PTPRD: variants seen among roughly 807,000 people sequenced by gnomAD.
PTPRD encodes the protein protein tyrosine phosphatase receptor type D, also known as receptor-type tyrosine-protein phosphatase delta.
Under a neutral mutation model 214.5 loss-of-function variants are expected in PTPRD, and 34 were observed. The observed-to-expected ratio is 0.16, with a 90% CI of 0.12 to 0.21. The LOEUF is 0.21. Among genes scored for constraint, PTPRD ranks in the 10% least tolerant of loss-of-function variants. PTPRD has a pLI of 1.00. For missense variants in PTPRD, 2,545 were observed against 2,398.7 expected, an observed-to-expected ratio of 1.06 and a Z score of -1.27; for synonymous variants, 1,128 against 845.7, an observed-to-expected ratio of 1.33 and a Z score of -5.79.
intron 12 of PTPRD, among the ~76,000 whole-genome samples, chr9:8,689,855 C>A (rs2097766830): frequency 6.6e-6 from 1 of 152,084 alleles, no homozygotes; most frequent in Non-Finnish European, 1.5e-5. Context: ...TGCCTGTAAT[C>A]CCAGCACTTT....
At position 8,986,790 on chromosome 9, in the gene PTPRD, G is replaced by A. The variant is rs186097067; in HGVS notation, c.-104+31907C>T. Among the ~76,000 whole-genome samples the A allele has an allele frequency of 2.2e-4, 34 of 152,082 alleles. No individual in the cohort carries two copies. In the East Asian group the frequency reaches 4.6e-3, roughly 21 times the overall value. ...ATGTTTTTGCATGCTAATATCAAAC[G>A]AATTATTTCTACTGGCAGAGTTTGA... On this transcript the variant is annotated intron_variant, in intron 11 of 45. Coordinates refer to ENST00000381196, the MANE Select transcript of PTPRD (RefSeq NM_002839.4).
chr9:8,919,878 T>TCATGCATACATAGATGTACATGCATGTAG, intron 11 of PTPRD, among the ~76,000 whole-genome samples: 1 of 151,366 alleles, frequency 6.6e-6, no homozygotes, highest in Non-Finnish European at 1.5e-5. Context: ...CATGCATGTA[T>TCATGCATACATAGATGTACATGCATGTAG]CATGCATACA....
intron 7 of PTPRD, among the ~76,000 whole-genome samples, chr9:9,648,323 G>C (rs1313897583): frequency 6.6e-6 from 1 of 152,052 alleles, no homozygotes; most frequent in Non-Finnish European, 1.5e-5. Flanking sequence ...ATATTACAAG[G>C]TGTCAGGTGG....
At chr9:9,600,297 A>C in intron 7 of PTPRD, among the ~76,000 whole-genome samples, 1 of 152,144 alleles carries the variant, frequency 6.6e-6, no homozygotes, top group East Asian at 1.9e-4. Context: ...TAAGTAAAAA[A>C]TGTACACACC....
chr9:8,453,098 A>G (rs2096025270), intron 33 of PTPRD, among the ~76,000 whole-genome samples: 1 of 152,146 alleles, frequency 6.6e-6, no homozygotes, highest in Admixed American at 6.5e-5. Flanking sequence ...TTAGAAGAGG[A>G]TGTCTAAGTT....
At chr9:8,962,552 G>GAA (rs2099164505) in intron 11 of PTPRD, among the ~76,000 whole-genome samples, 1 of 151,784 alleles carries the variant, frequency 6.6e-6, no homozygotes, top group East Asian at 2.0e-4. Context: ...GAGAGAGAGA[G>GAA]AGAGCGAGAG....
chr9:9,500,442 A>T (rs2154220391), intron 8 of PTPRD, among the ~76,000 whole-genome samples: 1 of 152,250 alleles, frequency 6.6e-6, no homozygotes, highest in Admixed American at 6.6e-5. Flanking sequence ...AGGTACAGCT[A>T]AAGAACACAG....
intron 35 of PTPRD, among the ~76,000 whole-genome samples, chr9:8,417,695 A>T (rs773875215): frequency 9.9e-5 from 15 of 152,112 alleles, no homozygotes; most frequent in Non-Finnish European, 2.1e-4. Flanking sequence ...GTATTCTATT[A>T]ACTACTGTGA....
chr9:8,582,174 G>A (rs1450501965), intron 14 of PTPRD, among the ~76,000 whole-genome samples: 1 of 152,222 alleles, frequency 6.6e-6, no homozygotes, highest in African/African-American at 2.4e-5. Context: ...CACATCAGGA[G>A]AGAAAGGTTG....
At chr9:9,317,514 C>T (rs376747806) in intron 9 of PTPRD, among the ~76,000 whole-genome samples, 36 of 152,040 alleles carry the variant, frequency 2.4e-4, no homozygotes, top group Non-Finnish European at 4.6e-4. Flanking sequence ...ACCTCCTAAA[C>T]GTCACATCTG....
intron 39 of PTPRD, among the ~76,000 whole-genome samples, chr9:8,347,571 T>C (rs111821232): frequency 0.041 from 6,266 of 152,208 alleles, 429 homozygotes; most frequent in African/African-American, 0.14. Context: ...GGAAGTGCCA[T>C]TGAAACTGAA....
At chr9:9,784,720 T>G (rs1408569723) in intron 5 of PTPRD, among the ~76,000 whole-genome samples, 1 of 151,906 alleles carries the variant, frequency 6.6e-6, no homozygotes, top group Non-Finnish European at 1.5e-5. Flanking sequence ...AAGTCCAGTG[T>G]CAAAATATAT....
intron 8 of PTPRD, among the ~76,000 whole-genome samples, chr9:9,557,576 T>C (rs569197908): frequency 2.7e-4 from 41 of 152,328 alleles, no homozygotes; most frequent in Non-Finnish European, 5.4e-4. Context: ...ACTGGTACCT[T>C]TTTAGATCTG....
intron 4 of PTPRD, among the ~76,000 whole-genome samples, chr9:10,030,139 G>T (rs577876210): frequency 6.6e-6 from 1 of 152,098 alleles, no homozygotes; most frequent in East Asian, 1.9e-4. Context: ...CTCTGAAACC[G>T]CTTTCTTTTG....
chr9:9,572,415 C>A (rs1033589962), intron 8 of PTPRD, among the ~76,000 whole-genome samples: 1 of 151,116 alleles, frequency 6.6e-6, no homozygotes, highest in East Asian at 1.9e-4. Context: ...ACATGCAATT[C>A]AAAAACCATA....
intron 14 of PTPRD, among the ~76,000 whole-genome samples, chr9:8,575,177 A>G (rs939329236): frequency 1.4e-4 from 22 of 152,122 alleles, no homozygotes; most frequent in Non-Finnish European, 2.9e-4. Context: ...TGGTGATTAT[A>G]TATCATTTAC....
chr9:8,330,752 T>G (rs990739414), intron 44 of PTPRD, among the ~76,000 whole-genome samples: 18 of 152,100 alleles, frequency 1.2e-4, no homozygotes, highest in Admixed American at 3.3e-4. Context: ...GTCTAATATT[T>G]GTCCTATTTT....
At chr9:8,429,728 C>T (rs2094920441) in intron 35 of PTPRD, among the ~76,000 whole-genome samples, 1 of 152,122 alleles carries the variant, frequency 6.6e-6, no homozygotes, top group South Asian at 2.1e-4. Flanking sequence ...CATGTGAGCA[C>T]TGAGACTGGA....
At chr9:9,624,369 G>A (rs935106454) in intron 7 of PTPRD, among the ~76,000 whole-genome samples, 1 of 151,992 alleles carries the variant, frequency 6.6e-6, no homozygotes, top group Non-Finnish European at 1.5e-5. Context: ...TGCAACCTCA[G>A]CCTCTTGGGT....
Sources: allele counts gnomAD v4.1 joint callset (sites outside exome capture counted in the v4.1 genomes callset), GRCh38; gene constraint gnomAD v4.1.1; transcripts MANE v1.5; gene names NCBI Gene and HGNC (gene_info 2026-07-23, HGNC 2026-07-21).